CDK8: variants seen among roughly 807,000 people sequenced by gnomAD.
CDK8 encodes the protein cyclin-dependent kinase 8.
A neutral mutation model predicts 71.5 loss-of-function variants in CDK8; 29 were observed. The ratio of observed to expected loss-of-function variants is 0.41; its 90% CI spans 0.30 to 0.55. CDK8 has a LOEUF of 0.55. Among genes scored for constraint, CDK8 ranks in the 20% least tolerant of loss-of-function variants. The probability of loss-of-function intolerance (pLI) is 0.37; values close to 1 mark genes in which losing one functional copy is unlikely to be tolerated. For missense variants in CDK8, 288 were observed against 572.6 expected (o/e 0.50, Z 5.07); for synonymous variants, 161 against 192.1 (o/e 0.84, Z 1.34).
chr13:26,274,737 T>G (rs1395587279), intron 1 of CDK8, among the ~76,000 whole-genome samples: 1 of 152,160 alleles, frequency 6.6e-6, no homozygotes, highest in African/African-American at 2.4e-5. Flanking sequence ...GGCCTACATT[T>G]TCTTAAATAT....
chr13:26,367,006 T>A (rs922511587), intron 4 of CDK8, among the ~76,000 whole-genome samples: 1 of 152,164 alleles, frequency 6.6e-6, no homozygotes, highest in African/African-American at 2.4e-5. Context: ...CTGACACTGG[T>A]CGAACATTTC....
chr13:26,326,219 T>C (rs1343113846), intron 1 of CDK8, among the ~76,000 whole-genome samples: 1 of 152,202 alleles, frequency 6.6e-6, no homozygotes, highest in African/African-American at 2.4e-5. Flanking sequence ...GCCCAGGAAC[T>C]AGAGTAAGCT....
At chr13:26,307,266 T>G (rs1018058110) in intron 1 of CDK8, among the ~76,000 whole-genome samples, 7 of 152,232 alleles carry the variant, frequency 4.6e-5, no homozygotes, top group East Asian at 3.9e-4. Context: ...AGAGGAAGAT[T>G]ATTCTGGATT....
At chr13:26,375,682 C>G (rs553359519) in intron 4 of CDK8, among the ~76,000 whole-genome samples, 1 of 152,308 alleles carries the variant, frequency 6.6e-6, no homozygotes, top group African/African-American at 2.4e-5. Flanking sequence ...GCATATGACA[C>G]TGAGTAAACT....
At chr13:26,297,480 A>G (rs1364395652) in intron 1 of CDK8, among the ~76,000 whole-genome samples, 1 of 152,136 alleles carries the variant, frequency 6.6e-6, no homozygotes, top group East Asian at 1.9e-4. Flanking sequence ...TTCTACTTCT[A>G]GAAGGTTGCT....
At chr13:26,392,612 C>CA (rs1875803651) in intron 6 of CDK8, among the ~76,000 whole-genome samples, 1 of 152,126 alleles carries the variant, frequency 6.6e-6, no homozygotes. Context: ...AGGCATGAGC[C>CA]ACCACACCCG....
intron 4 of CDK8, among the ~76,000 whole-genome samples, chr13:26,364,275 G>C (rs969006090): frequency 6.6e-6 from 1 of 152,096 alleles, no homozygotes; most frequent in Non-Finnish European, 1.5e-5. Context: ...ATAAATATGA[G>C]AGTGCATCAT....
intron 2 of CDK8, among the ~76,000 whole-genome samples, chr13:26,341,838 AT>A (rs11356939): frequency 0.94 from 142,929 of 151,598 alleles, 67,392 homozygotes; most frequent in East Asian, 1. Flanking sequence ...AGAAAATAAG[AT>A]TTTTTTTTTT....
chr13:26,283,632 G>A (rs1386228507), intron 1 of CDK8, among the ~76,000 whole-genome samples: 2 of 151,718 alleles, frequency 1.3e-5, no homozygotes, highest in Non-Finnish European at 2.9e-5. Context: ...GGGCACAGTG[G>A]CTTATGCCTA....
intron 1 of CDK8, among the ~76,000 whole-genome samples, chr13:26,319,754 A>G (rs1874683177): frequency 6.6e-6 from 1 of 151,652 alleles, no homozygotes; most frequent in Non-Finnish European, 1.5e-5. Flanking sequence ...GGGACTCCAC[A>G]TATTCACAAC....
chr13:26,342,432 A>C (rs1565979425), intron 2 of CDK8, among the ~76,000 whole-genome samples: 1 of 152,066 alleles, frequency 6.6e-6, no homozygotes, highest in Non-Finnish European at 1.5e-5. Flanking sequence ...TTGGGCTCTT[A>C]CCCTGGCTCT....
intron 1 of CDK8, among the ~76,000 whole-genome samples, chr13:26,294,889 A>G (rs762096896): frequency 6.6e-5 from 10 of 152,082 alleles, no homozygotes; most frequent in Non-Finnish European, 1.3e-4. Flanking sequence ...AGCTGGGACT[A>G]CATGTGTGCA....
chr13:26,321,568 GA>G (rs1404967919), intron 1 of CDK8, among the ~76,000 whole-genome samples: 1 of 151,864 alleles, frequency 6.6e-6, no homozygotes, highest in East Asian at 1.9e-4. Flanking sequence ...TTAAAAAATG[GA>G]AAAAAAGTGA....
At chr13:26,329,469 G>GTTTTTTTTTTTT (rs35796023) in intron 1 of CDK8, among the ~76,000 whole-genome samples, 4 of 71,488 alleles carry the variant, frequency 5.6e-5, no homozygotes, top group Admixed American at 1.5e-4. Context: ...GCCTATTTCT[G>GTTTTTTTTTTTT]TTTTTTTTTT....
At chr13:26,270,026 G>A (rs1010563980) in intron 1 of CDK8, among the ~76,000 whole-genome samples, 6 of 152,030 alleles carry the variant, frequency 3.9e-5, no homozygotes, top group Admixed American at 2.6e-4. Context: ...TACATTTGTG[G>A]TTCATAAAGT....
At chr13:26,390,472 T>C (rs779087431) in intron 6 of CDK8, among the ~76,000 whole-genome samples, 8 of 152,224 alleles carry the variant, frequency 5.3e-5, no homozygotes, top group Non-Finnish European at 8.8e-5. Context: ...TTAGTAAACA[T>C]TGTAATCCCA....
chr13:26,324,096 A>T (rs1874915402), intron 1 of CDK8, among the ~76,000 whole-genome samples: 2 of 152,202 alleles, frequency 1.3e-5, no homozygotes, highest in African/African-American at 2.4e-5. Flanking sequence ...TGTTTAAAGG[A>T]TCCTAGAAAT....
At chr13:26,341,540 A>G (rs1330080735) in intron 2 of CDK8, among the ~76,000 whole-genome samples, 1 of 152,216 alleles carries the variant, frequency 6.6e-6, no homozygotes, top group East Asian at 1.9e-4. Context: ...AGTGATTTCA[A>G]GTCAACTGTC....
At chr13:26,271,770 A>G (rs1253090045) in intron 1 of CDK8, among the ~76,000 whole-genome samples, 1 of 134,794 alleles carries the variant, frequency 7.4e-6, no homozygotes, top group Non-Finnish European at 1.5e-5. Context: ...TAATTGTACC[A>G]CTGTAGAGGG....
Sources: gnomAD v4.1 joint callset for allele counts (sites outside exome capture counted in the v4.1 genomes callset) on GRCh38, gnomAD v4.1.1 for gene constraint, MANE v1.5 for transcripts, NCBI Gene and HGNC (gene_info 2026-07-23, HGNC 2026-07-21) for gene names.